Variants in GSKIP observed in about 807,000 individuals in gnomAD.
GSKIP encodes GSK3B-interacting protein.
GSKIP carries 5 observed loss-of-function variants against 11.9 expected under a neutral mutation model. That is an observed-to-expected ratio of 0.42 (90% confidence interval 0.22 to 0.89). The LOEUF is 0.89. Ranked by LOEUF, GSKIP falls within the 40% of genes least tolerant of loss-of-function variation. GSKIP has a pLI of 0.29. For synonymous variants in GSKIP, 70 were observed against 62.9 expected, an observed-to-expected ratio of 1.11 and a Z score of -0.54; for missense variants, 150 against 166.6, an observed-to-expected ratio of 0.90 and a Z score of 0.55.
At chr14:96,382,891 A>C (rs1416156817) in intron 3 of GSKIP, among the ~76,000 whole-genome samples, 2 of 152,226 alleles carry the variant, frequency 1.3e-5, no homozygotes, top group African/African-American at 2.4e-5. Context: ...CTTCTGTTAA[A>C]ATAACATACT....
At chr14:96,385,382 A>G in intron 3 of GSKIP, 141 bp from the exon 4 acceptor site, 1 of 602,070 alleles carries the variant, frequency 1.7e-6, no homozygotes, top group Non-Finnish European at 2.9e-6. Flanking sequence ...TCACTCAGTT[A>G]CCCATGTATC....
chr14:96,368,717 C>T (rs1332153778), intron 1 of GSKIP, among the ~76,000 whole-genome samples: 1 of 152,044 alleles, frequency 6.6e-6, no homozygotes, highest in Non-Finnish European at 1.5e-5. Context: ...TGTCTCCCTC[C>T]CTCTCCCCTA....
intron 3 of GSKIP, among the ~76,000 whole-genome samples, chr14:96,382,872 A>C (rs762839279): frequency 1.3e-5 from 2 of 152,174 alleles, no homozygotes; most frequent in African/African-American, 2.4e-5. Context: ...ACACCTCTTG[A>C]AAATGTCGCT....
chr14:96,376,314 A>G (rs1250149915), intron 1 of GSKIP, among the ~76,000 whole-genome samples: 1 of 150,012 alleles, frequency 6.7e-6, no homozygotes, highest in Non-Finnish European at 1.5e-5. Flanking sequence ...AGTTCCTGCC[A>G]CACCCTGTGC....
At chr14:96,376,646 C>A (rs1336280322) in intron 1 of GSKIP, among the ~76,000 whole-genome samples, 1 of 152,158 alleles carries the variant, frequency 6.6e-6, no homozygotes, top group Admixed American at 6.5e-5. Flanking sequence ...TCATTGTTTT[C>A]TGTAATTATC....
At chr14:96,383,618 A>G (rs1342536527) in intron 3 of GSKIP, among the ~76,000 whole-genome samples, 2 of 152,238 alleles carry the variant, frequency 1.3e-5, no homozygotes, top group Admixed American at 6.5e-5. Flanking sequence ...GATATCAAGT[A>G]CATAAACATC....
intron 1 of GSKIP, among the ~76,000 whole-genome samples, chr14:96,372,859 A>G (rs1205876120): frequency 3.3e-5 from 5 of 152,186 alleles, no homozygotes; most frequent in African/African-American, 2.4e-5. Context: ...GGATATAGGA[A>G]GGGTCTCCCT....
At chr14:96,364,296 G>T (rs1888800868) in intron 1 of GSKIP, 1 of 152,170 alleles carries the variant, frequency 6.6e-6, no homozygotes, top group African/African-American at 2.4e-5. Flanking sequence ...CCTATTAGCC[G>T]CCCAGCCACT....
rs1157217305 is a variant in GSKIP at position 96,382,434 on chromosome 14, G to A, written c.187G>A (p.Val63Met). The change falls in exon 3 of 4, where the codon GTG (valine) becomes ATG (methionine). Residue 63 changes from valine to methionine, a missense_variant. Transcript: ENST00000555181. ...VSKSLRCADDVAYINVETKER... is the reference protein window; with the variant it reads ...VSKSLRCADDMAYINVETKER... ...GAAAAGCCTGCGGTGTGCGGATGAT[G>A]TGGCCTATATCAATGTGGAAACAAA... The A allele has an allele frequency of 6.2e-7, 1 of 1,612,780 alleles. No homozygotes were observed. The highest frequency in any genetic ancestry group is 8.5e-7 in the Non-Finnish European group (1 of 1,178,948).
chr14:96,386,631 G>A lies in GSKIP; in HGVS notation c.*947G>A, dbSNP rs1325234752. On this transcript the variant is annotated 3_prime_UTR_variant, in exon 4 of 4. Transcript: ENST00000555181. ...CAGCACCCCACCTTCCCCAACAGAT[G>A]TACAGTGTTCTGTCTCCATTCGAAA... The A allele has an allele frequency of 6.6e-6, 1 of 152,594 alleles. No homozygotes were observed. The highest frequency in any genetic ancestry group is 2.4e-5 in the African/African-American group (1 of 41,428). The allele number at this position is 152,594 out of a possible 1,614,324, so 9.5% of individuals were successfully genotyped here. A position where few individuals can be genotyped will look rare whatever the true frequency, so the allele number is the denominator to read the frequency against.
At chr14:96,372,360 A>T (rs569955428) in intron 1 of GSKIP, among the ~76,000 whole-genome samples, 2 of 152,308 alleles carry the variant, frequency 1.3e-5, no homozygotes, top group South Asian at 4.1e-4. Flanking sequence ...CAGACACAAA[A>T]ATTATTTGCC....
intron 1 of GSKIP, among the ~76,000 whole-genome samples, chr14:96,378,695 C>T (rs1299620991): frequency 6.6e-6 from 1 of 152,222 alleles, no homozygotes; most frequent in Non-Finnish European, 1.5e-5. Context: ...AAATATTCAT[C>T]ATGATCACCC....
At chr14:96,373,202 C>T (rs1006439957) in intron 1 of GSKIP, among the ~76,000 whole-genome samples, 2 of 139,360 alleles carry the variant, frequency 1.4e-5, no homozygotes, top group African/African-American at 5.4e-5. Context: ...TATACTCCAG[C>T]CTGGGTGACA....
intron 1 of GSKIP, among the ~76,000 whole-genome samples, chr14:96,374,700 G>A (rs1889148316): frequency 3.3e-5 from 5 of 151,990 alleles, no homozygotes; most frequent in Non-Finnish European, 7.4e-5. Flanking sequence ...AAAAAAAACT[G>A]CCAACCTAGG....
chr14:96,385,572 A>G lies in GSKIP; in HGVS notation c.308A>G (p.Tyr103Cys). The change falls in exon 4 of 4, where the codon TAC becomes TGC. Residue 103 changes from tyrosine to cysteine, a missense_variant. Coordinates refer to ENST00000555181, the MANE Select transcript of GSKIP (RefSeq NM_016472.5). Reference protein sequence around the residue: ...DQVDDHLQTPYHETVYSLLDT... With the variant: ...DQVDDHLQTPCHETVYSLLDT... ...GTAGATGATCATTTACAGACTCCCT[A>G]CCATGAAACAGTCTACTCCTTGTTG... 2 of 1,613,032 alleles carry G rather than the reference A, an allele frequency of 1.2e-6. No homozygotes were observed. Among genetic ancestry groups the G allele is most frequent in the South Asian group, 1.1e-5 (1 of 91,042 alleles).
intron 1 of GSKIP, 169 bp downstream of exon 1, chr14:96,363,737 G>A (rs1324608363): frequency 6.6e-6 from 1 of 152,334 alleles, no homozygotes. Context: ...TGTTAAGAGG[G>A]GTCTGGGGGC....
chr14:96,371,316 G>C (rs1339389394), intron 1 of GSKIP, among the ~76,000 whole-genome samples: 3 of 151,910 alleles, frequency 2.0e-5, no homozygotes, highest in Non-Finnish European at 4.4e-5. Context: ...AAAGATTTCT[G>C]CTTCCTACAC....
chr14:96,367,822 T>C (rs1216811766), intron 1 of GSKIP, among the ~76,000 whole-genome samples: 2 of 152,240 alleles, frequency 1.3e-5, no homozygotes, highest in African/African-American at 4.8e-5. Flanking sequence ...ATGGAAACTT[T>C]ACATCAGGTG....
intron 3 of GSKIP, among the ~76,000 whole-genome samples, chr14:96,383,194 T>G (rs1308774087): frequency 1.3e-5 from 2 of 152,146 alleles, no homozygotes; most frequent in Non-Finnish European, 2.9e-5. Context: ...AGGATCATTT[T>G]AGAGCAGAAG....
Sources: gnomAD v4.1 joint callset for allele counts (sites outside exome capture counted in the v4.1 genomes callset) on GRCh38, gnomAD v4.1.1 for gene constraint, MANE v1.5 for transcripts, NCBI Gene and HGNC (gene_info 2026-07-23, HGNC 2026-07-21) for gene names.